The following ATP8A2 variants were observed in gnomAD, a reference collection of about 807,000 sequenced individuals.
ATP8A2 encodes phospholipid-transporting ATPase IB.
In ATP8A2, 100 loss-of-function variants were observed where a neutral mutation model predicts 165.6. That is an observed-to-expected ratio of 0.60 (90% CI 0.51 to 0.71). The LOEUF is 0.71. Among genes scored for constraint, ATP8A2 ranks in the 30% least tolerant of loss-of-function variants. The pLI, the probability that ATP8A2 is intolerant of heterozygous loss-of-function variation, is 0.00. For synonymous variants in ATP8A2, 543 were observed against 548.8 expected (o/e 0.99, Z 0.15); for missense variants, 1,227 against 1,479.5 (o/e 0.83, Z 2.80).
chr13:25,816,980 G>T (rs994973444), intron 27 of ATP8A2, among the ~76,000 whole-genome samples: 1 of 152,072 alleles, frequency 6.6e-6, no homozygotes, highest in Non-Finnish European at 1.5e-5. Flanking sequence ...TCAAATATTT[G>T]CCATAGATCC....
intron 25 of ATP8A2, among the ~76,000 whole-genome samples, chr13:25,702,670 C>T (rs138487153): frequency 0.011 from 1,644 of 152,208 alleles, 11 homozygotes; most frequent in Non-Finnish European, 0.014. Context: ...ATTGTATTTG[C>T]CTCTATTCCT....
rs1283562303 is a variant in ATP8A2 at position 25,837,220 on chromosome 13, G to C, written c.2812G>C (p.Glu938Gln). The C allele has an allele frequency of 1.2e-6, 2 of 1,613,912 alleles. No homozygotes were observed. Among genetic ancestry groups the C allele is most frequent in the Non-Finnish European group, 1.7e-6 (2 of 1,179,994 alleles). The change falls in exon 29 of 37, where the codon GAG becomes CAG. Residue 938 changes from glutamate to glutamine, a missense_variant. This residue lies in a region of ATP8A2 where 592 missense variants were observed against 785.6 expected (regional missense o/e 0.75). Coordinates refer to ENST00000381655, the MANE Select transcript of ATP8A2 (RefSeq NM_016529.6). ...LGIFERSCTQ[E>Q]SMLRFPQLYK... ...AATCTTTGAGAGGTCTTGCACTCAG[G>C]AGAGCATGCTCAGGTTTCCCCAGCT...
In ATP8A2 at chr13:25,575,123, T is replaced by G. The variant is rs150508304; in HGVS notation, c.1712+266T>G. ...TTTAGATTTCCAGAGCCTGATGTTC[T>G]TGCATCAGCAGCTGCAGACATGTCT... On this transcript the variant is annotated intron_variant, in intron 19 of 36. Transcript: ENST00000381655. Among the ~76,000 whole-genome samples, 3 of 152,358 alleles carry G rather than the reference T, an allele frequency of 2.0e-5. No homozygotes were observed. In the East Asian group the frequency reaches 5.8e-4, roughly 29 times the overall value.
At chr13:25,541,298 C>CT (rs1041576698) in intron 8 of ATP8A2, among the ~76,000 whole-genome samples, 18 of 151,602 alleles carry the variant, frequency 1.2e-4, no homozygotes, top group East Asian at 3.9e-4. Context: ...TTGCTTTAGA[C>CT]TTTTTTTTTC....
chr13:25,430,655 T>A (rs927618547), intron 1 of ATP8A2, among the ~76,000 whole-genome samples: 1 of 152,192 alleles, frequency 6.6e-6, no homozygotes, highest in Admixed American at 6.5e-5. Flanking sequence ...CAGACTGAAG[T>A]GGCGAAATCT....
chr13:25,978,875 G>A (rs1260855714), intron 35 of ATP8A2, among the ~76,000 whole-genome samples: 2 of 152,150 alleles, frequency 1.3e-5, no homozygotes, highest in African/African-American at 4.8e-5. Context: ...GGGAGGCGGA[G>A]CTTGGAGTGA....
At chr13:25,645,997 T>C (rs992824304) in intron 24 of ATP8A2, among the ~76,000 whole-genome samples, 3 of 152,184 alleles carry the variant, frequency 2.0e-5, no homozygotes, top group African/African-American at 7.2e-5. Flanking sequence ...TGACCTATTA[T>C]TGAAAGTGGA....
chr13:25,659,957 G>C (rs2042014426), intron 24 of ATP8A2, among the ~76,000 whole-genome samples: 1 of 152,126 alleles, frequency 6.6e-6, no homozygotes, highest in Admixed American at 6.5e-5. Flanking sequence ...TTTGCTATTA[G>C]CCATTTTTTC....
intron 33 of ATP8A2, among the ~76,000 whole-genome samples, chr13:25,872,058 G>A (rs975264051): frequency 5.7e-5 from 3 of 52,804 alleles, no homozygotes; most frequent in Admixed American, 5.1e-4. Context: ...TCACCCCCCC[G>A]CCCTCTTTCG....
In ATP8A2 at chr13:25,541,633, T is replaced by A. The variant is rs144499522; in HGVS notation, c.652-286T>A. On this transcript the variant is annotated intron_variant, in intron 8 of 36. Coordinates refer to ENST00000381655, the MANE Select transcript of ATP8A2 (RefSeq NM_016529.6). ...CTAGTAGATTATGCTTGCTGTAAGG[T>A]GCTGGGGTATGTTAATTATTACTTA... Among the ~76,000 whole-genome samples the A allele has an allele frequency of 3.4e-3, 522 of 152,316 alleles. 5 individuals carry two copies. Among genetic ancestry groups the A allele is most frequent in the Non-Finnish European group, 5.9e-3 (398 of 68,034 alleles).
intron 33 of ATP8A2, chr13:25,944,681 A>C (rs1955160727): frequency 6.6e-6 from 1 of 152,206 alleles, no homozygotes; most frequent in Non-Finnish European, 1.5e-5. Context: ...GGTCAGGTCA[A>C]AACTACTGTG....
At chr13:25,479,756 A>T (rs888389664) in intron 2 of ATP8A2, among the ~76,000 whole-genome samples, 4 of 152,092 alleles carry the variant, frequency 2.6e-5, no homozygotes, top group Non-Finnish European at 5.9e-5. Flanking sequence ...CCCTTAATCC[A>T]TTTAACCCTG....
intron 30 of ATP8A2, among the ~76,000 whole-genome samples, chr13:25,841,366 A>T (rs1003979713): frequency 3.9e-5 from 6 of 152,164 alleles, no homozygotes; most frequent in Admixed American, 1.3e-4. Context: ...TATTATCACC[A>T]TCATCATCAA....
intron 28 of ATP8A2, among the ~76,000 whole-genome samples, chr13:25,836,541 A>C (rs77820255): frequency 1.9e-3 from 286 of 152,232 alleles, no homozygotes; most frequent in African/African-American, 6.2e-3. Context: ...ACAGGTATTA[A>C]TAGTTTTGCA....
chr13:25,680,528 G>A (rs2042464110), intron 24 of ATP8A2, among the ~76,000 whole-genome samples: 1 of 152,130 alleles, frequency 6.6e-6, no homozygotes, highest in Admixed American at 6.5e-5. Context: ...TGCAGCCCTG[G>A]GAAACTGACA....
intron 24 of ATP8A2, among the ~76,000 whole-genome samples, chr13:25,682,394 G>A (rs1023511518): frequency 1.3e-5 from 2 of 152,208 alleles, no homozygotes; most frequent in African/African-American, 4.8e-5. Flanking sequence ...CTAAGAGGCT[G>A]GAGCAGCCTG....
intron 2 of ATP8A2, among the ~76,000 whole-genome samples, chr13:25,506,382 C>T (rs61948581): frequency 0.038 from 5,833 of 152,242 alleles, 145 homozygotes; most frequent in Non-Finnish European, 0.05. Flanking sequence ...CAGTTTGACT[C>T]CCTTACAAAG....
intron 33 of ATP8A2, among the ~76,000 whole-genome samples, chr13:25,875,457 G>A (rs1952798039): frequency 1.3e-5 from 2 of 151,740 alleles, no homozygotes; most frequent in African/African-American, 4.9e-5. Flanking sequence ...GTCTGTAGTT[G>A]GCTCTGTGCA....
At chr13:25,768,079 G>C (rs938690778) in intron 25 of ATP8A2, among the ~76,000 whole-genome samples, 9 of 139,702 alleles carry the variant, frequency 6.4e-5, no homozygotes, top group African/African-American at 1.0e-4. Context: ...GGTGGCGTGG[G>C]GGGGGGGTGG....
Sources: allele counts gnomAD v4.1 joint callset (sites outside exome capture counted in the v4.1 genomes callset), GRCh38; gene constraint gnomAD v4.1.1; regional missense constraint gnomAD v4.1.1; transcripts MANE v1.5; gene names NCBI Gene and HGNC (gene_info 2026-07-23, HGNC 2026-07-21).